Variants in PCDHGB2 observed in about 807,000 individuals in gnomAD.
The protein encoded by PCDHGB2 is protocadherin gamma-B2.
PCDHGB2 carries 55 observed loss-of-function variants against 59.3 expected under a neutral mutation model. The observed-to-expected ratio is 0.93, with a 90% CI of 0.75 to 1.16. The LOEUF is 1.16. PCDHGB2 is among the 50% of genes most tolerant of loss of function. The probability of loss-of-function intolerance (pLI) is 0.00; values close to 1 mark genes in which losing one functional copy is unlikely to be tolerated. For synonymous variants in PCDHGB2, 516 were observed against 512.0 expected (o/e 1.01, Z -0.11); for missense variants, 1,228 against 1,198.5 (o/e 1.02, Z -0.36).
intron 1 of PCDHGB2, among the ~76,000 whole-genome samples, chr5:141,462,337 T>C (rs1053544147): frequency 6.6e-6 from 1 of 152,260 alleles, no homozygotes; most frequent in Non-Finnish European, 1.5e-5. Context: ...TTAATTGTAT[T>C]GTGATCCAAA....
At position 141,489,646 on chromosome 5, in the gene PCDHGB2, C is replaced by A. The variant is rs1274955075; in HGVS notation, c.2422-5161C>A. 1.2e-6 allele frequency: 2 copies of A among 1,614,186 alleles called. No homozygotes were observed. The highest frequency in any genetic ancestry group is 2.7e-5 in the African/African-American group (2 of 75,048). On this transcript the variant is annotated intron_variant, in intron 1 of 3. Coordinates refer to ENST00000522605, the MANE Select transcript of PCDHGB2 (RefSeq NM_018923.3). This position sits in a 1 kb window ranked among gnomAD's most constrained non-coding sequence, Gnocchi z 4.5. Reference sequence around the variant, plus strand: ...TGACAACTCTCCTAGCTTTGCCACCCCTGAGCGAGAGATGCGCATCTCAGA... The same window carrying A: ...TGACAACTCTCCTAGCTTTGCCACCACTGAGCGAGAGATGCGCATCTCAGA...
rs746989617 is a variant in PCDHGB2 at position 141,422,853 on chromosome 5, C to G, written c.2421+60297C>G. On this transcript the variant is annotated intron_variant, in intron 1 of 3. Transcript: ENST00000522605. ...TAGCACGTGACAGCGGGGACCCGCC[C>G]CTCAGCAGCAACGTGTCGCTGAGCC... 16 of 1,614,146 alleles carry G rather than the reference C, an allele frequency of 9.9e-6. 1 individual carries two copies. In the South Asian group the frequency reaches 1.6e-4, roughly 17 times the overall value.
chr5:141,374,416 G>A, intron 1 of PCDHGB2: 2 of 1,613,948 alleles, frequency 1.2e-6, no homozygotes, highest in Non-Finnish European at 1.7e-6. Context: ...TCCTTGTCGA[G>A]GATAAACTGA....
rs1224943883 is a variant in PCDHGB2 at position 141,493,516 on chromosome 5, G to A, written c.2422-1291G>A. Among the ~76,000 whole-genome samples, 1 of 152,122 alleles carries A rather than the reference G, an allele frequency of 6.6e-6. No individual in the cohort carries two copies. The highest frequency in any genetic ancestry group is 1.5e-5 in the Non-Finnish European group (1 of 68,036). On this transcript the variant is annotated intron_variant, in intron 1 of 3. Coordinates refer to ENST00000522605, the MANE Select transcript of PCDHGB2 (RefSeq NM_018923.3). The surrounding 1 kb of genome is among the most constrained non-coding windows in gnomAD (Gnocchi z 4.3). ...GGCTCCTCATTTCTGAGCAGTCCCC[G>A]CAGCGCAAACTTGGCCAGTTATCCT...
intron 1 of PCDHGB2, chr5:141,428,456 A>G (rs538022786): frequency 1.4e-5 from 5 of 358,650 alleles, no homozygotes; most frequent in South Asian, 1.1e-4. Context: ...TTTCCCAACT[A>G]CAATGAGGGA....
chr5:141,394,996 C>T (rs1331251272), intron 1 of PCDHGB2: 1 of 1,613,916 alleles, frequency 6.2e-7, no homozygotes, highest in African/African-American at 1.3e-5. Flanking sequence ...CTCCAGGATT[C>T]CGGTGGCAGA....
rs919100488 is a variant in PCDHGB2 at position 141,511,573 on chromosome 5, G to A, written c.*400G>A. On this transcript the variant is annotated 3_prime_UTR_variant, in exon 4 of 4. Transcript: ENST00000522605. ...ACAGTTCCTCTTTCCCGAGTAAGGT[G>A]GTTGGGGTGTTGAAGTACCAAGTAA... 1.1e-4 allele frequency: 33 copies of A among 288,248 alleles called. No individual in the cohort carries two copies. Among genetic ancestry groups the A allele is most frequent in the African/African-American group, 7.1e-4 (33 of 46,356 alleles). The allele number at this position is 288,248 out of a possible 1,614,324, so 17.9% of individuals were successfully genotyped here.
rs756134036 is a variant in PCDHGB2 at position 141,374,596 on chromosome 5, G to GC, written c.2421+12041dup. On this transcript the variant is annotated intron_variant, in intron 1 of 3. Transcript: ENST00000522605. ...GAATGAACTCCCTTCAGGGATTTAA[G>GC]CTCAGTGGTAATAGTCACTTCTCAG... The GC allele has an allele frequency of 1.9e-6, 3 of 1,613,578 alleles. No homozygotes were observed. The African/African-American group carries it at 4.0e-5, about 22-fold the overall frequency.
chr5:141,500,460 C>T (rs1421637554), intron 2 of PCDHGB2, among the ~76,000 whole-genome samples: 2 of 152,234 alleles, frequency 1.3e-5, no homozygotes, highest in South Asian at 2.1e-4. Context: ...CCGCCCGCCT[C>T]GGCCTCCCAA....
chr5:141,450,846 A>C (rs2098698903), intron 1 of PCDHGB2, among the ~76,000 whole-genome samples: 1 of 115,730 alleles, frequency 8.6e-6, no homozygotes. Context: ...TTTTTTTGAG[A>C]TGGGGTCTTG....
chr5:141,509,719 C>G (rs2099877973), intron 3 of PCDHGB2, among the ~76,000 whole-genome samples: 1 of 152,152 alleles, frequency 6.6e-6, no homozygotes, highest in Non-Finnish European at 1.5e-5. Flanking sequence ...TGTCTGATGT[C>G]ACCTAGCTGT....
intron 2 of PCDHGB2, among the ~76,000 whole-genome samples, chr5:141,500,774 A>G (rs1479931234): frequency 6.6e-6 from 1 of 152,188 alleles, no homozygotes; most frequent in Non-Finnish European, 1.5e-5. Context: ...TCTTATGAAT[A>G]TACATATTAT....
chr5:141,394,501 T>C (rs768158418), intron 1 of PCDHGB2: 1 of 1,614,216 alleles, frequency 6.2e-7, no homozygotes, highest in Admixed American at 1.7e-5. Context: ...CCCGAGATCC[T>C]GTACCCCGCC....
chr5:141,508,740 C>G (rs2099871405), intron 3 of PCDHGB2, among the ~76,000 whole-genome samples: 1 of 152,006 alleles, frequency 6.6e-6, no homozygotes. Flanking sequence ...CACCCCCCAC[C>G]CCGCTCTTTC....
At chr5:141,384,353 C>T in intron 1 of PCDHGB2, 1 of 1,613,848 alleles carries the variant, frequency 6.2e-7, no homozygotes, top group South Asian at 1.1e-5. Context: ...GAGGATAATG[C>T]CCAGATCACT....
intron 1 of PCDHGB2, among the ~76,000 whole-genome samples, chr5:141,401,168 C>T (rs2094123018): frequency 1.3e-5 from 2 of 152,142 alleles, no homozygotes; most frequent in Non-Finnish European, 2.9e-5. Flanking sequence ...ATGGTGAAAA[C>T]CCGTCTCTAC....
rs767493690 is a variant in PCDHGB2 at position 141,361,636 on chromosome 5, A to G, written c.1501A>G (p.Ile501Val). 3 of 1,613,640 alleles carry G rather than the reference A, an allele frequency of 1.9e-6. No individual in the cohort carries two copies. Among genetic ancestry groups the G allele is most frequent in the African/African-American group, 1.3e-5 (1 of 74,906 alleles). Residue 501 changes from isoleucine to valine, a missense_variant, in exon 1 of 4, where the codon ATT becomes GTT. This residue lies in a region of PCDHGB2 where 781 missense variants were observed against 721.6 expected (regional missense o/e 1.08). Transcript: ENST00000522605. ...IVASDLKPRE[I>V]LSYVSVSAQS... Reference sequence around the variant, plus strand: ...AGCGAGCGACCTGAAGCCGCGGGAGATTTTATCCTACGTGTCCGTGAGCGC... The same window carrying G: ...AGCGAGCGACCTGAAGCCGCGGGAGGTTTTATCCTACGTGTCCGTGAGCGC...
At chr5:141,371,573 A>G in intron 1 of PCDHGB2, 1 of 1,613,948 alleles carries the variant, frequency 6.2e-7, no homozygotes, top group Non-Finnish European at 8.5e-7. Flanking sequence ...TCCCCTTTAA[A>G]ATCGTTCAAG....
At position 141,409,159 on chromosome 5, in the gene PCDHGB2, GGAAGC is replaced by G. The variant is rs1361879939; in HGVS notation, c.2421+46608_2421+46612del. On this transcript the variant is annotated intron_variant, in intron 1 of 3. Transcript: ENST00000522605. ...ATGTAGAAAGGTACACCATGGAAGTGGAAGCGAAGGACGGAGGTGGTCTCTCTACC... is the reference window on the plus strand; with the variant it reads ...ATGTAGAAAGGTACACCATGGAAGTGGAAGGACGGAGGTGGTCTCTCTACC... The G allele has an allele frequency of 3.1e-6, 5 of 1,614,014 alleles. 1 individual carries two copies. In the South Asian group the frequency reaches 5.5e-5, roughly 18 times the overall value.
Sources: allele counts gnomAD v4.1 joint callset (sites outside exome capture counted in the v4.1 genomes callset), GRCh38; gene constraint gnomAD v4.1.1; regional missense constraint gnomAD v4.1.1; non-coding constraint Gnocchi (gnomAD v3.1); transcripts MANE v1.5; gene names NCBI Gene and HGNC (gene_info 2026-07-23, HGNC 2026-07-21).